SYT16: variants seen among roughly 807,000 people sequenced by gnomAD.
The protein encoded by SYT16 is synaptotagmin 16.
A neutral mutation model predicts 61.4 loss-of-function variants in SYT16; 42 were observed. The ratio of observed to expected loss-of-function variants is 0.68; its 90% CI spans 0.53 to 0.89. The LOEUF (loss-of-function observed/expected upper bound fraction) is 0.89, where lower values mean the gene tolerates loss of function less well. Ranked by LOEUF, SYT16 falls within the 40% of genes least tolerant of loss-of-function variation. The pLI is 0.00. For synonymous variants in SYT16, 314 were observed against 302.3 expected (o/e 1.04, Z -0.40); for missense variants, 804 against 807.3 (o/e 1.00, Z 0.05).
chr14:61,928,838 G>A (rs1191663093), intron 1 of SYT16, among the ~76,000 whole-genome samples: 2 of 152,114 alleles, frequency 1.3e-5, no homozygotes, highest in Non-Finnish European at 2.9e-5. Flanking sequence ...ACGATAATGA[G>A]GATAAGTACA....
At chr14:62,100,316 T>C (rs2057388101) in intron 7 of SYT16, 78 bp from the exon 8 acceptor site, 2 of 1,266,218 alleles carry the variant, frequency 1.6e-6, no homozygotes. Flanking sequence ...CCCATATAAA[T>C]GTTACAGCTA....
intron 1 of SYT16, among the ~76,000 whole-genome samples, chr14:61,856,005 A>C (rs1162897924): frequency 2.0e-5 from 3 of 152,228 alleles, no homozygotes; most frequent in Admixed American, 6.5e-5. Flanking sequence ...GGATATAAAA[A>C]GGAGGAGCCA....
intron 1 of SYT16, among the ~76,000 whole-genome samples, chr14:61,908,589 A>G (rs562271972): frequency 2.0e-5 from 3 of 152,296 alleles, no homozygotes; most frequent in South Asian, 2.1e-4. Context: ...AATTTTTCTT[A>G]ATGAACATTT....
rs1483148321 is a variant in SYT16, at chr14:62,105,775, T to C, written c.*5068T>C. 1.3e-5 allele frequency: 2 copies of C among 152,208 alleles called. No homozygotes were observed. Among genetic ancestry groups the C allele is most frequent in the African/African-American group, 4.8e-5 (2 of 41,456 alleles). 9.4% of individuals were successfully genotyped at this position (152,208 alleles called of 1,614,324 possible). ...GTAACCAGGTGCCATGAGTCAGTCATGTGCTACTTGTGGTTTTAAACGAAA... is the reference window on the plus strand; with the variant it reads ...GTAACCAGGTGCCATGAGTCAGTCACGTGCTACTTGTGGTTTTAAACGAAA... On this transcript the variant is annotated 3_prime_UTR_variant, in exon 8 of 8. Coordinates refer to ENST00000683842, the MANE Select transcript of SYT16 (RefSeq NM_001367656.1).
At chr14:62,038,866 A>T (rs140389664) in intron 3 of SYT16, among the ~76,000 whole-genome samples, 1 of 152,228 alleles carries the variant, frequency 6.6e-6, no homozygotes, top group Non-Finnish European at 1.5e-5. Context: ...ATGGAATATT[A>T]TATGTAACAT....
At chr14:61,901,040 C>T (rs1228306912) in intron 1 of SYT16, among the ~76,000 whole-genome samples, 1 of 152,164 alleles carries the variant, frequency 6.6e-6, no homozygotes, top group Non-Finnish European at 1.5e-5. Flanking sequence ...GTGATCCTGC[C>T]TTCCAATTTC....
chr14:61,987,275 A>C (rs905421489), intron 2 of SYT16, among the ~76,000 whole-genome samples: 13 of 152,180 alleles, frequency 8.5e-5, no homozygotes, highest in Non-Finnish European at 1.6e-4. Context: ...CCTGGAGAGC[A>C]AATAGCACTT....
intron 1 of SYT16, among the ~76,000 whole-genome samples, chr14:61,961,496 C>G (rs2051113994): frequency 6.6e-6 from 1 of 152,016 alleles, no homozygotes; most frequent in Non-Finnish European, 1.5e-5. Flanking sequence ...ATACACGTGG[C>G]CAACAAGTAA....
chr14:61,893,836 A>G (rs1315790713), intron 1 of SYT16, among the ~76,000 whole-genome samples: 7 of 152,202 alleles, frequency 4.6e-5, no homozygotes, highest in Non-Finnish European at 8.8e-5. Flanking sequence ...GGTAGGTCCC[A>G]TGTCCCCCGA....
intron 1 of SYT16, among the ~76,000 whole-genome samples, chr14:61,901,700 T>C (rs1226188486): frequency 1.3e-5 from 2 of 151,280 alleles, no homozygotes; most frequent in Non-Finnish European, 2.9e-5. Flanking sequence ...GTCAGAAATA[T>C]CTTATCAAAA....
chr14:61,890,571 C>CTTTTGAACTTCTTTTTAAAAGAAGA (rs2048086495), intron 1 of SYT16, among the ~76,000 whole-genome samples: 6 of 151,024 alleles, frequency 4.0e-5, no homozygotes, highest in Non-Finnish European at 7.4e-5. Flanking sequence ...TTAAAAGAAG[C>CTTTTGAACTTCTTTTTAAAAGAAGA]TCTTTTGAGC....
chr14:62,005,024 G>T (rs1440801482), intron 3 of SYT16, among the ~76,000 whole-genome samples: 3 of 152,166 alleles, frequency 2.0e-5, no homozygotes, highest in African/African-American at 7.2e-5. Context: ...TGTGGGTGGG[G>T]GATACTCACC....
chr14:61,873,415 G>A (rs757530209), intron 1 of SYT16, among the ~76,000 whole-genome samples: 4 of 152,080 alleles, frequency 2.6e-5, no homozygotes, highest in Admixed American at 6.5e-5. Flanking sequence ...TTAACAAACC[G>A]TCTTTCCTTT....
At chr14:62,014,880 T>C (rs1191520807) in intron 3 of SYT16, among the ~76,000 whole-genome samples, 6 of 152,252 alleles carry the variant, frequency 3.9e-5, no homozygotes, top group Non-Finnish European at 7.3e-5. Context: ...TACATAGCCT[T>C]CAATGATTTA....
At chr14:62,043,461 G>A (rs552561243) in intron 3 of SYT16, among the ~76,000 whole-genome samples, 23 of 142,810 alleles carry the variant, frequency 1.6e-4, no homozygotes, top group South Asian at 8.7e-4. Context: ...AGGCTGGAGT[G>A]CAGTGGTGTG....
chr14:61,903,291 A>G (rs1445103493), intron 1 of SYT16, among the ~76,000 whole-genome samples: 3 of 151,820 alleles, frequency 2.0e-5, no homozygotes, highest in Non-Finnish European at 4.4e-5. Flanking sequence ...GTGGGGCACA[A>G]TTCAACCTGT....
chr14:62,067,380 C>T (rs1222904464), intron 3 of SYT16, among the ~76,000 whole-genome samples: 1 of 152,018 alleles, frequency 6.6e-6, no homozygotes, highest in Non-Finnish European at 1.5e-5. Context: ...GATGAAGTGC[C>T]AGTCAAGCTG....
At chr14:62,034,793 T>A (rs2054443257) in intron 3 of SYT16, among the ~76,000 whole-genome samples, 1 of 152,108 alleles carries the variant, frequency 6.6e-6, no homozygotes, top group Non-Finnish European at 1.5e-5. Flanking sequence ...AAATTGATTG[T>A]GATGGTTGCA....
chr14:61,976,148 C>T (rs1046815119), intron 2 of SYT16, among the ~76,000 whole-genome samples: 1 of 152,182 alleles, frequency 6.6e-6, no homozygotes, highest in African/African-American at 2.4e-5. Flanking sequence ...CTCCATGTCT[C>T]GCATCCAGGT....
Sources: gnomAD v4.1 joint callset for allele counts (sites outside exome capture counted in the v4.1 genomes callset) on GRCh38, gnomAD v4.1.1 for gene constraint, MANE v1.5 for transcripts, NCBI Gene and HGNC (gene_info 2026-07-23, HGNC 2026-07-21) for gene names.